PRPSAP2: variants seen among roughly 807,000 people sequenced by gnomAD.
The protein encoded by PRPSAP2 is phosphoribosyl pyrophosphate synthase-associated protein 2.
Under a neutral mutation model 40.6 loss-of-function variants are expected in PRPSAP2, and 24 were observed. The observed-to-expected ratio is 0.59, with a 90% CI of 0.43 to 0.83. The LOEUF (loss-of-function observed/expected upper bound fraction) is 0.83, where lower values mean the gene tolerates loss of function less well. Among genes scored for constraint, PRPSAP2 ranks in the 40% least tolerant of loss-of-function variants. PRPSAP2 has a pLI of 0.00. For missense variants in PRPSAP2, 292 were observed against 465.6 expected (o/e 0.63, Z 3.43); for synonymous variants, 149 against 164.7 (o/e 0.90, Z 0.73).
intron 8 of PRPSAP2, among the ~76,000 whole-genome samples, chr17:18,895,237 C>A (rs767937656): frequency 7.9e-5 from 12 of 151,654 alleles, no homozygotes; most frequent in Non-Finnish European, 1.6e-4. Context: ...AGGTGTGCAC[C>A]ACCATGCCTG....
chr17:18,889,220 G>A (rs891289132), intron 7 of PRPSAP2, among the ~76,000 whole-genome samples: 1 of 152,164 alleles, frequency 6.6e-6, no homozygotes, highest in East Asian at 1.9e-4. Context: ...CATTTGCTAA[G>A]TAGTTATTAT....
intron 10 of PRPSAP2, among the ~76,000 whole-genome samples, chr17:18,927,935 T>A (rs2042056064): frequency 6.6e-6 from 1 of 151,952 alleles, no homozygotes; most frequent in Admixed American, 6.6e-5. Flanking sequence ...CGTACCTCCA[T>A]GCATGGCTAA....
In PRPSAP2 at chr17:18,882,561, T is replaced by C. The variant is rs1311449225; in HGVS notation, c.413-7T>C. ...ATTTATTGCTTGTGTCTGCTTTATTTTCAAAGGTCTAACTCATCTTATTAC... is the reference window on the plus strand; with the variant it reads ...ATTTATTGCTTGTGTCTGCTTTATTCTCAAAGGTCTAACTCATCTTATTAC... On this transcript the variant is annotated splice_polypyrimidine_tract_variant and splice_region_variant and intron_variant, in intron 6 of 11. Coordinates refer to ENST00000268835, the MANE Select transcript of PRPSAP2 (RefSeq NM_002767.4). The C allele has an allele frequency of 6.6e-7, 1 of 1,504,040 alleles. No individual in the cohort carries two copies. Among genetic ancestry groups the C allele is most frequent in the Non-Finnish European group, 9.2e-7 (1 of 1,092,528 alleles). The allele number at this position is 1,504,040 out of a possible 1,614,324, so 93.2% of individuals were successfully genotyped here. A position where few individuals can be genotyped will look rare whatever the true frequency, so the allele number is the denominator to read the frequency against.
intron 9 of PRPSAP2, among the ~76,000 whole-genome samples, chr17:18,923,190 C>T (rs900553741): frequency 2.0e-5 from 3 of 151,400 alleles, no homozygotes; most frequent in Admixed American, 6.6e-5. Context: ...CTCAGGTTCA[C>T]GCCATTCTCC....
intron 9 of PRPSAP2, among the ~76,000 whole-genome samples, chr17:18,916,205 A>G (rs181202869): frequency 1.1e-3 from 174 of 152,182 alleles, no homozygotes; most frequent in African/African-American, 3.9e-3. Flanking sequence ...CGGTCTGTAC[A>G]TAGCAATACA....
At chr17:18,869,934 G>A (rs558571659) in intron 4 of PRPSAP2, among the ~76,000 whole-genome samples, 3 of 150,482 alleles carry the variant, frequency 2.0e-5, no homozygotes, top group South Asian at 2.1e-4. Flanking sequence ...TGCAACATCC[G>A]CCTCTCAGGT....
intron 4 of PRPSAP2, among the ~76,000 whole-genome samples, chr17:18,869,411 C>T (rs998589866): frequency 6.7e-6 from 1 of 150,002 alleles, no homozygotes; most frequent in Non-Finnish European, 1.5e-5. Context: ...GATCAGGGCT[C>T]ACTGCAGCCT....
chr17:18,914,134 C>T (rs972916746), intron 9 of PRPSAP2, among the ~76,000 whole-genome samples: 1 of 150,578 alleles, frequency 6.6e-6, no homozygotes, highest in Non-Finnish European at 1.5e-5. Context: ...AGATCCAAGA[C>T]TGTGCCACCG....
At chr17:18,892,688 A>AGTGTGTGT (rs3043879) in intron 8 of PRPSAP2, among the ~76,000 whole-genome samples, 16,320 of 75,212 alleles carry the variant, frequency 0.22, 1,856 homozygotes, top group Non-Finnish European at 0.29. Flanking sequence ...CAGCCTGTTG[A>AGTGTGTGT]GTGTGTGTGT....
At chr17:18,908,724 A>G (rs1020354991) in intron 8 of PRPSAP2, 1 of 728,374 alleles carries the variant, frequency 1.4e-6, no homozygotes, top group Non-Finnish European at 2.5e-6. Context: ...AATTCAAAAC[A>G]AAGTTTGAAG....
intron 10 of PRPSAP2, among the ~76,000 whole-genome samples, chr17:18,925,967 T>C (rs34180000): frequency 0.077 from 11,700 of 151,820 alleles, 540 homozygotes; most frequent in Middle Eastern, 0.14. Flanking sequence ...TAGCCGGGCG[T>C]AGTGGTGGGC....
chr17:18,917,199 G>A (rs2041368419), intron 9 of PRPSAP2, among the ~76,000 whole-genome samples: 1 of 151,978 alleles, frequency 6.6e-6, no homozygotes, highest in African/African-American at 2.4e-5. Context: ...GTGTTTGGTG[G>A]CATATGGACT....
chr17:18,930,781 C>CAA lies in PRPSAP2; in HGVS notation c.*84_*85insAA. 1 of 1,275,554 alleles carries CAA rather than the reference C, an allele frequency of 7.8e-7. No homozygotes were observed. 79.0% of individuals were successfully genotyped at this position (1,275,554 alleles called of 1,614,324 possible). A position where few individuals can be genotyped will look rare whatever the true frequency, so the allele number is the denominator to read the frequency against. ...GTGGGATGGATTTCACAGGAACCGT[C>CAA]ATGCTTGTTCCTCCCTCTCCCCTGT... On this transcript the variant is annotated 3_prime_UTR_variant, in exon 12 of 12. Coordinates refer to ENST00000268835, the MANE Select transcript of PRPSAP2 (RefSeq NM_002767.4).
At position 18,911,308 on chromosome 17, in the gene PRPSAP2, G is replaced by C; in HGVS notation, c.733+57G>C. The C allele has an allele frequency of 6.9e-7, 1 of 1,444,492 alleles. No individual in the cohort carries two copies. 89.5% of individuals were successfully genotyped at this position (1,444,492 alleles called of 1,614,324 possible). ...CTCTGATTTTAAGGCTGACTACACTGTTGTCTGTGTGGTTTTTTTCCTCAT... is the reference window on the plus strand; with the variant it reads ...CTCTGATTTTAAGGCTGACTACACTCTTGTCTGTGTGGTTTTTTTCCTCAT... On this transcript the variant is annotated intron_variant, in intron 9 of 11. Transcript: ENST00000268835. The surrounding 1 kb of genome is among the most constrained non-coding windows in gnomAD (Gnocchi z 4.5).
chr17:18,864,662 A>T (rs2037300680), intron 1 of PRPSAP2, among the ~76,000 whole-genome samples: 1 of 151,982 alleles, frequency 6.6e-6, no homozygotes, highest in Admixed American at 6.6e-5. Context: ...AATAATGAAA[A>T]AGATTAGCTT....
At chr17:18,871,042 TG>T (rs374843442) in intron 4 of PRPSAP2, among the ~76,000 whole-genome samples, 14 of 152,054 alleles carry the variant, frequency 9.2e-5, no homozygotes, top group African/African-American at 3.1e-4. Flanking sequence ...TTTTTTGAGA[TG>T]GAATCTGGCT....
At chr17:18,927,866 A>G (rs1406385998) in intron 10 of PRPSAP2, among the ~76,000 whole-genome samples, 1 of 151,806 alleles carries the variant, frequency 6.6e-6, no homozygotes, top group East Asian at 1.9e-4. Context: ...TGCAACTTCT[A>G]CCTCCTGGCT....
intron 8 of PRPSAP2, among the ~76,000 whole-genome samples, chr17:18,897,532 G>T (rs2039986251): frequency 6.6e-6 from 1 of 151,902 alleles, no homozygotes; most frequent in African/African-American, 2.4e-5. Flanking sequence ...TGCCATCTTG[G>T]CTCACTGCAG....
intron 10 of PRPSAP2, among the ~76,000 whole-genome samples, chr17:18,924,844 G>A (rs763960957): frequency 7.9e-5 from 12 of 151,844 alleles, no homozygotes; most frequent in Non-Finnish European, 1.5e-4. Flanking sequence ...TACAAGCTGG[G>A]CACAGTGGCT....
Sources: allele counts gnomAD v4.1 joint callset (sites outside exome capture counted in the v4.1 genomes callset), GRCh38; gene constraint gnomAD v4.1.1; non-coding constraint Gnocchi (gnomAD v3.1); transcripts MANE v1.5; gene names NCBI Gene and HGNC (gene_info 2026-07-23, HGNC 2026-07-21).